Variants in PITPNC1 observed in about 807,000 individuals in gnomAD.
PITPNC1 encodes the protein phosphatidylinositol transfer protein cytoplasmic 1.
In PITPNC1, 18 loss-of-function variants were observed where a neutral mutation model predicts 44.7. The ratio of observed to expected loss-of-function variants is 0.40; its 90% CI spans 0.28 to 0.60. PITPNC1 has a LOEUF of 0.60. Ranked by LOEUF, PITPNC1 falls within the 20% of genes least tolerant of loss-of-function variation. The probability of loss-of-function intolerance (pLI) is 0.39; values close to 1 mark genes in which losing one functional copy is unlikely to be tolerated. For synonymous variants in PITPNC1, 141 were observed against 149.6 expected (o/e 0.94, Z 0.42); for missense variants, 290 against 418.4 (o/e 0.69, Z 2.68).
At position 67,553,330 on chromosome 17, in the gene PITPNC1, A is replaced by C. The variant is rs77314343; in HGVS notation, c.287-280A>C. 2,594 of 283,888 alleles carry C rather than the reference A, an allele frequency of 9.1e-3. 55 individuals carry two copies. The highest frequency in any genetic ancestry group is 0.052 in the African/African-American group (2,411 of 46,352). 17.6% of individuals were successfully genotyped at this position (283,888 alleles called of 1,614,324 possible). A position where few individuals can be genotyped will look rare whatever the true frequency, so the allele number is the denominator to read the frequency against. ...TTATTAGTCTTTCATTTGCTTTTAT[A>C]ATGCCAACTCTTTGGTTTTTAATTA... On this transcript the variant is annotated intron_variant, in intron 3 of 8. Coordinates refer to ENST00000581322, the MANE Select transcript of PITPNC1 (RefSeq NM_012417.4).
At chr17:67,472,651 GAAA>G (rs780986823) in intron 1 of PITPNC1, among the ~76,000 whole-genome samples, 2 of 99,326 alleles carry the variant, frequency 2.0e-5, no homozygotes, top group African/African-American at 3.3e-5. Flanking sequence ...TGTCTCAAAA[GAAA>G]AAAAAAAAAA....
At chr17:67,393,634 A>C (rs1355421980) in intron 1 of PITPNC1, among the ~76,000 whole-genome samples, 1 of 152,190 alleles carries the variant, frequency 6.6e-6, no homozygotes, top group African/African-American at 2.4e-5. Context: ...TAATTTAGAA[A>C]TATTACTGTA....
chr17:67,554,800 T>G (rs1464348567), intron 4 of PITPNC1, among the ~76,000 whole-genome samples: 1 of 152,216 alleles, frequency 6.6e-6, no homozygotes. Context: ...GGCTTGGCTG[T>G]CCTCTGGTTT....
chr17:67,530,085 CTTTT>C lies in PITPNC1; in HGVS notation c.49-2696_49-2693del, dbSNP rs796278390. 3.6e-4 allele frequency among the ~76,000 whole-genome samples: 26 copies of C among 71,248 alleles called. 1 individual carries two copies. The highest frequency in any genetic ancestry group is 1.4e-3 in the African/African-American group (24 of 17,316). 46.7% of individuals were successfully genotyped at this position (71,248 alleles called of 152,430 possible). ...ATCCGGTTCGGACCTCAACCCTTGG[CTTTT>C]TTTTTTTTTTTTTTTTTTTTGAGAT... On this transcript the variant is annotated intron_variant, in intron 1 of 8. Coordinates refer to ENST00000581322, the MANE Select transcript of PITPNC1 (RefSeq NM_012417.4).
At chr17:67,571,921 C>T (rs547385524) in intron 4 of PITPNC1, among the ~76,000 whole-genome samples, 345 of 152,280 alleles carry the variant, frequency 2.3e-3, no homozygotes, top group Middle Eastern at 0.01. Flanking sequence ...TGCTCACACC[C>T]GAAGGGAAGG....
chr17:67,647,464 GTTTTTTTTTTTTTTTT>G lies in PITPNC1; in HGVS notation c.462+15240_462+15255del, dbSNP rs60407940. Among the ~76,000 whole-genome samples, 10 of 72,362 alleles carry G rather than the reference GTTTTTTTTTTTTTTTT, an allele frequency of 1.4e-4. No individual in the cohort carries two copies. The South Asian group carries it at 6.7e-3, about 49-fold the overall frequency. The allele number at this position is 72,362 out of a possible 152,430, so 47.5% of individuals were successfully genotyped here. A position where few individuals can be genotyped will look rare whatever the true frequency, so the allele number is the denominator to read the frequency against. Reference sequence around the variant, plus strand: ...CACCATCACACCCAGCTAATTTTGGGTTTTTTTTTTTTTTTTTTTTTTTTTTTTTGTAGAGACGGGG... The same window carrying G: ...CACCATCACACCCAGCTAATTTTGGGTTTTTTTTTTTTTGTAGAGACGGGG... On this transcript the variant is annotated intron_variant, in intron 6 of 8. Coordinates refer to ENST00000581322, the MANE Select transcript of PITPNC1 (RefSeq NM_012417.4).
intron 1 of PITPNC1, among the ~76,000 whole-genome samples, chr17:67,397,173 G>T (rs970023372): frequency 6.6e-6 from 1 of 151,842 alleles, no homozygotes; most frequent in African/African-American, 2.4e-5. Flanking sequence ...TATAGACGGG[G>T]TTTCTCCATG....
intron 1 of PITPNC1, among the ~76,000 whole-genome samples, chr17:67,404,137 C>A (rs928837419): frequency 3.3e-5 from 5 of 152,042 alleles, no homozygotes; most frequent in Non-Finnish European, 7.4e-5. Context: ...TTATTTGTAC[C>A]GATATACTAA....
intron 1 of PITPNC1, among the ~76,000 whole-genome samples, chr17:67,406,146 T>C (rs1051577292): frequency 6.6e-6 from 1 of 152,172 alleles, no homozygotes; most frequent in African/African-American, 2.4e-5. Flanking sequence ...TCTTTTCCCT[T>C]TTTGGAGAAT....
At chr17:67,558,331 A>T (rs142683515) in intron 4 of PITPNC1, among the ~76,000 whole-genome samples, 1 of 152,268 alleles carries the variant, frequency 6.6e-6, no homozygotes, top group African/African-American at 2.4e-5. Context: ...ACACAATGAC[A>T]GTTTCACAGA....
At chr17:67,593,508 C>A (rs1021926717) in intron 5 of PITPNC1, among the ~76,000 whole-genome samples, 2 of 152,078 alleles carry the variant, frequency 1.3e-5, no homozygotes, top group Non-Finnish European at 2.9e-5. Context: ...AAGCGACTCT[C>A]CTGCCTCAGC....
intron 1 of PITPNC1, among the ~76,000 whole-genome samples, chr17:67,455,567 G>A (rs1162172316): frequency 1.1e-4 from 16 of 151,846 alleles, no homozygotes; most frequent in Admixed American, 8.5e-4. Context: ...TTACAGGTGC[G>A]CACCACCATG....
chr17:67,426,782 A>G (rs1356855113), intron 1 of PITPNC1, among the ~76,000 whole-genome samples: 2 of 152,182 alleles, frequency 1.3e-5, no homozygotes, highest in South Asian at 2.1e-4. Context: ...TTCCATATTT[A>G]TGTATCATCA....
At chr17:67,513,374 TC>T (rs2144093862) in intron 1 of PITPNC1, among the ~76,000 whole-genome samples, 1 of 144,000 alleles carries the variant, frequency 6.9e-6, no homozygotes, top group Admixed American at 6.9e-5. Context: ...TATATCTATA[TC>T]TATATCTATA....
intron 5 of PITPNC1, among the ~76,000 whole-genome samples, chr17:67,626,797 G>T (rs2041901492): frequency 6.7e-6 from 1 of 149,098 alleles, no homozygotes; most frequent in South Asian, 2.1e-4. Context: ...TTACAACCAA[G>T]GAAACAGGAT....
At chr17:67,482,548 G>A (rs1394828697) in intron 1 of PITPNC1, among the ~76,000 whole-genome samples, 2 of 152,080 alleles carry the variant, frequency 1.3e-5, no homozygotes, top group African/African-American at 4.8e-5. Flanking sequence ...AAAGTCAAGT[G>A]GTAGATTTTG....
In PITPNC1 at chr17:67,676,056, A is replaced by T; in HGVS notation, c.682+514A>T. 6.6e-6 allele frequency among the ~76,000 whole-genome samples: 1 copy of T among 152,062 alleles called. No homozygotes were observed. The highest frequency in any genetic ancestry group is 6.5e-5 in the Admixed American group (1 of 15,282). On this transcript the variant is annotated intron_variant, in intron 8 of 8. Transcript: ENST00000581322. This position sits in a 1 kb window ranked among gnomAD's most constrained non-coding sequence, Gnocchi z 4.0. ...CCCGTCTCTACTAAATAATACAAAA[A>T]ATTAGCCGGGCATGGTGGCAGGCAC...
At chr17:67,544,603 A>G (rs1370416584) in intron 2 of PITPNC1, among the ~76,000 whole-genome samples, 1 of 152,044 alleles carries the variant, frequency 6.6e-6, no homozygotes, top group African/African-American at 2.4e-5. Flanking sequence ...GGGAGAGAAC[A>G]TTTTTCCCGC....
intron 1 of PITPNC1, among the ~76,000 whole-genome samples, chr17:67,425,200 C>CGG (rs2038738371): frequency 3.8e-5 from 1 of 26,246 alleles, no homozygotes; most frequent in Non-Finnish European, 7.6e-5. Context: ...CGCGCACGCA[C>CGG]ACGCACACAC....
Sources: gnomAD v4.1 joint callset for allele counts (sites outside exome capture counted in the v4.1 genomes callset) on GRCh38, gnomAD v4.1.1 for gene constraint, Gnocchi (gnomAD v3.1) non-coding constraint, MANE v1.5 for transcripts, NCBI Gene and HGNC (gene_info 2026-07-23, HGNC 2026-07-21) for gene names.